Variants in KIF1A observed in about 807,000 individuals in gnomAD.
KIF1A encodes the protein kinesin-like protein KIF1A.
Under a neutral mutation model 227.3 loss-of-function variants are expected in KIF1A, and 46 were observed. That is an observed-to-expected ratio of 0.20 (90% CI 0.16 to 0.26). The LOEUF is 0.26. Among genes scored for constraint, KIF1A ranks in the 10% least tolerant of loss-of-function variants. KIF1A has a pLI of 1.00. For synonymous variants in KIF1A, 1,022 were observed against 1,012.8 expected, an observed-to-expected ratio of 1.01 and a Z score of -0.17; for missense variants, 1,683 against 2,485.9, an observed-to-expected ratio of 0.68 and a Z score of 6.87.
At chr2:240,814,683 T>C (rs1254616670) in intron 1 of KIF1A, among the ~76,000 whole-genome samples, 1 of 152,172 alleles carries the variant, frequency 6.6e-6, no homozygotes, top group Non-Finnish European at 1.5e-5. Context: ...TCCCAGCACT[T>C]TGTGGGGCCG....
intron 14 of KIF1A, among the ~76,000 whole-genome samples, chr2:240,772,188 C>T (rs2052096280): frequency 6.6e-6 from 1 of 152,190 alleles, no homozygotes; most frequent in African/African-American, 2.4e-5. Context: ...AGGACAGTCC[C>T]TCCAGCCCTC....
chr2:240,732,267 GGA>G (rs2125682259), intron 38 of KIF1A, among the ~76,000 whole-genome samples: 1 of 118,186 alleles, frequency 8.5e-6, no homozygotes, highest in African/African-American at 3.8e-5. Flanking sequence ...AGGGGAGGAG[GGA>G]TGAAGGGAGA....
intron 10 of KIF1A, among the ~76,000 whole-genome samples, chr2:240,780,884 C>CCA (rs1215955243): frequency 1.9e-5 from 1 of 52,292 alleles, no homozygotes; most frequent in African/African-American, 2.8e-4. Flanking sequence ...ACACACAGCT[C>CCA]CACACACACA....
rs984661286 is a variant in KIF1A at position 240,778,672 on chromosome 2, C to T, written c.883-2746G>A. ...CTTCCTCCCGGTTCCCACAGCTCCACGCGGCGCCCAGCAGGTCCCCGCAGC... is the reference window on the plus strand; with the variant it reads ...CTTCCTCCCGGTTCCCACAGCTCCATGCGGCGCCCAGCAGGTCCCCGCAGC... On this transcript the variant is annotated intron_variant, in intron 10 of 48. Coordinates refer to ENST00000498729, the MANE Select transcript of KIF1A (RefSeq NM_001244008.2). The surrounding 1 kb of genome is among the most constrained non-coding windows in gnomAD (Gnocchi z 7.2). Among the ~76,000 whole-genome samples the T allele has an allele frequency of 6.6e-6, 1 of 151,698 alleles. No homozygotes were observed. The highest frequency in any genetic ancestry group is 1.5e-5 in the Non-Finnish European group (1 of 67,948).
rs892577933 is a variant in KIF1A, at chr2:240,771,306, A to T, written c.1208-202T>A. On this transcript the variant is annotated intron_variant, in intron 14 of 48. Coordinates refer to ENST00000498729, the MANE Select transcript of KIF1A (RefSeq NM_001244008.2). ...ACAGAAACCATCAACGAGGCACAGC[A>T]GCCCTGCCAGGCCCAGGACAAGCGC... is the stretch of plus-strand genomic sequence containing the variant. The T allele has an allele frequency of 1.2e-5, 8 of 678,074 alleles. No homozygotes were observed. The East Asian group carries it at 2.2e-4, about 19-fold the overall frequency. 42.0% of individuals were successfully genotyped at this position (678,074 alleles called of 1,614,324 possible).
intron 1 of KIF1A, among the ~76,000 whole-genome samples, chr2:240,816,019 G>A (rs1222383256): frequency 1.3e-5 from 2 of 152,144 alleles, no homozygotes; most frequent in Non-Finnish European, 2.9e-5. Flanking sequence ...CCAATCTGAG[G>A]GGTAGGGGTG....
intron 13 of KIF1A, 67 bp downstream of exon 13, chr2:240,773,047 G>T: frequency 1.3e-6 from 2 of 1,485,140 alleles, no homozygotes; most frequent in South Asian, 2.6e-5. Context: ...AGGATGTGAT[G>T]ACCTGCGAGG....
chr2:240,781,668 G>A lies in KIF1A; in HGVS notation c.882+922C>T, dbSNP rs542476323. The A allele has an allele frequency of 2.2e-5, 16 of 738,662 alleles. No individual in the cohort carries two copies. The African/African-American group carries it at 2.5e-4, about 11-fold the overall frequency. The allele number at this position is 738,662 out of a possible 1,614,324, so 45.8% of individuals were successfully genotyped here. A position where few individuals can be genotyped will look rare whatever the true frequency, so the allele number is the denominator to read the frequency against. On this transcript the variant is annotated intron_variant, in intron 10 of 48. Coordinates refer to ENST00000498729, the MANE Select transcript of KIF1A (RefSeq NM_001244008.2). ...CTCCGCTCCACACACAATTCCCCAC[G>A]CAGGTCCTCCGTCTCCCGCAGTCCC...
chr2:240,720,812 A>C, intron 45 of KIF1A, 102 bp downstream of exon 45: 1 of 1,384,870 alleles, frequency 7.2e-7, no homozygotes, highest in Non-Finnish European at 9.6e-7. Flanking sequence ...GCACTCGGCC[A>C]TTGGGGCCCC....
At chr2:240,727,867 G>A (rs3755532) in intron 38 of KIF1A, among the ~76,000 whole-genome samples, 92,242 of 152,054 alleles carry the variant, frequency 0.61, 28,434 homozygotes, top group East Asian at 0.82. Context: ...CAGTGACTGA[G>A]CTACTTCCTC....
intron 1 of KIF1A, among the ~76,000 whole-genome samples, chr2:240,799,478 G>T (rs1397034480): frequency 1.3e-5 from 2 of 152,158 alleles, no homozygotes; most frequent in South Asian, 4.1e-4. Flanking sequence ...GGCTGGACTC[G>T]TGCCGCCTAC....
chr2:240,812,937 G>GGGATCTGCCTTCACCTCAA (rs2058031805), intron 1 of KIF1A, among the ~76,000 whole-genome samples: 1 of 82,266 alleles, frequency 1.2e-5, no homozygotes, highest in African/African-American at 4.7e-5. Context: ...CTTCACCTCG[G>GGGATCTGCCTTCACCTCAA]GGATCCGCCT....
rs2125873949 is a variant in KIF1A, at chr2:240,758,221, A to G, written c.2582+139T>C. 1 of 927,880 alleles carries G rather than the reference A, an allele frequency of 1.1e-6. No individual in the cohort carries two copies. Among genetic ancestry groups the G allele is most frequent in the South Asian group, 2.0e-5 (1 of 50,538 alleles). 57.5% of individuals were successfully genotyped at this position (927,880 alleles called of 1,614,324 possible). On this transcript the variant is annotated intron_variant, in intron 26 of 48. Transcript: ENST00000498729. This position sits in a 1 kb window ranked among gnomAD's most constrained non-coding sequence, Gnocchi z 5.2. ...GGCTGGGAGGAACCTCAGGCCAGGG[A>G]GGACAGGGCTGGGAATATGGGGCTG...
chr2:240,783,203 AG>A, intron 8 of KIF1A, 94 bp from the exon 9 acceptor site: 1 of 958,694 alleles, frequency 1.0e-6, no homozygotes, highest in Non-Finnish European at 1.7e-6. Flanking sequence ...TGCAGTGTGG[AG>A]TGGAGGCCAC....
intron 1 of KIF1A, among the ~76,000 whole-genome samples, chr2:240,817,021 C>A (rs1314880185): frequency 6.6e-6 from 1 of 152,226 alleles, no homozygotes; most frequent in East Asian, 1.9e-4. Flanking sequence ...GGCTCAGGAG[C>A]TAAAGAGCAA....
At chr2:240,783,540 C>T (rs1379507626) in intron 8 of KIF1A, among the ~76,000 whole-genome samples, 199 bp downstream of exon 8, 5 of 152,210 alleles carry the variant, frequency 3.3e-5, no homozygotes, top group African/African-American at 1.2e-4. Flanking sequence ...AACCCCTGAC[C>T]TGTGTGCCCA....
chr2:240,817,546 C>T (rs570711192), intron 1 of KIF1A, among the ~76,000 whole-genome samples: 1 of 152,202 alleles, frequency 6.6e-6, no homozygotes, highest in Non-Finnish European at 1.5e-5. Context: ...TAGATGTGCA[C>T]GGATGGTCTC....
rs776057433 is a variant in KIF1A, at chr2:240,809,498, G to A, written c.-61+10624C>T. ...ACAGAGCAAGGGGGAGAGGACGGAC[G>A]ACCGAACCAGCGATGGAAGGAACAC... On this transcript the variant is annotated intron_variant, in intron 1 of 48. Transcript: ENST00000498729. Among the ~76,000 whole-genome samples, 27 of 152,276 alleles carry A rather than the reference G, an allele frequency of 1.8e-4. No individual in the cohort carries two copies. The Middle Eastern group carries it at 0.014, about 77-fold the overall frequency.
rs748337067 is a variant in KIF1A, at chr2:240,747,223, G to T, written c.3063+13C>A. The T allele has an allele frequency of 2.5e-6, 4 of 1,609,292 alleles. No individual in the cohort carries two copies. Among genetic ancestry groups the T allele is most frequent in the Non-Finnish European group, 3.4e-6 (4 of 1,176,104 alleles). On this transcript the variant is annotated intron_variant, in intron 29 of 48. Coordinates refer to ENST00000498729, the MANE Select transcript of KIF1A (RefSeq NM_001244008.2). ...GCACCTCCAGGTCTGGGACTCGGGA[G>T]GGAGCTTGGTACCTTTTCAAAATGC...
Sources: gnomAD v4.1 joint callset for allele counts (sites outside exome capture counted in the v4.1 genomes callset) on GRCh38, gnomAD v4.1.1 for gene constraint, Gnocchi (gnomAD v3.1) non-coding constraint, MANE v1.5 for transcripts, NCBI Gene and HGNC (gene_info 2026-07-23, HGNC 2026-07-21) for gene names.